Variants in GOSR2 observed in about 807,000 individuals in gnomAD.
The protein encoded by GOSR2 is golgi SNAP receptor complex member 2.
GOSR2 carries 20 observed loss-of-function variants against 27.9 expected under a neutral mutation model. The ratio of observed to expected loss-of-function variants is 0.72; its 90% CI spans 0.50 to 1.04. GOSR2 has a LOEUF of 1.04. Ranked by LOEUF, GOSR2 falls within the 50% of genes least tolerant of loss-of-function variation. The pLI, the probability that GOSR2 is intolerant of heterozygous loss-of-function variation, is 0.00. For synonymous variants in GOSR2, 91 were observed against 98.8 expected, an observed-to-expected ratio of 0.92 and a Z score of 0.47; for missense variants, 261 against 270.5, an observed-to-expected ratio of 0.97 and a Z score of 0.25.
chr17:46,936,362 A>T, intron 5 of GOSR2: 6 of 985,396 alleles, frequency 6.1e-6, no homozygotes, highest in Non-Finnish European at 7.2e-6. Flanking sequence ...TTCCCACTCA[A>T]GTCTGGCAGC....
intron 6 of GOSR2, chr17:46,966,521 G>A (rs565961353): frequency 8.7e-6 from 6 of 687,684 alleles, no homozygotes; most frequent in Admixed American, 6.2e-5. Flanking sequence ...TTAATTTTTT[G>A]TATTTTTTGC....
chr17:46,936,645 AT>A (rs1568180565), intron 5 of GOSR2: 1 of 985,134 alleles, frequency 1.0e-6, no homozygotes, highest in Non-Finnish European at 1.2e-6. Context: ...AAATGAATAC[AT>A]TTTTTGAAAT....
chr17:46,969,667 G>A (rs2091371060), downstream of GOSR2, among the ~76,000 whole-genome samples: 1 of 152,222 alleles, frequency 6.6e-6, no homozygotes, highest in Non-Finnish European at 1.5e-5. Context: ...GTGCTTGGTG[G>A]ATAAATGCCT....
At chr17:46,969,094 C>T (rs78034901), downstream of GOSR2, among the ~76,000 whole-genome samples, 2,056 of 152,330 alleles carry the variant, frequency 0.013, 42 homozygotes, top group African/African-American at 0.047. Context: ...TCACAGCCAC[C>T]GGCCTCCCAG....
Position 46,936,465 on chromosome 17 carries a change from T to G in GOSR2, c.477+1296T>G, listed in dbSNP as rs917809383. 5.1e-6 allele frequency: 5 copies of G among 985,374 alleles called. No individual in the cohort carries two copies. In the South Asian group the frequency reaches 2.4e-4, roughly 46 times the overall value. The allele number at this position is 985,374 out of a possible 1,614,324, so 61.0% of individuals were successfully genotyped here. On this transcript the variant is annotated intron_variant, in intron 5 of 5. Coordinates refer to ENST00000640051, the MANE Select transcript of GOSR2 (RefSeq NM_004287.5). ...GGGTTGAGACTTGAGGTTTCTAACTTTCCTCTGCACACCTGTGGCTACCTG... is the reference window on the plus strand; with the variant it reads ...GGGTTGAGACTTGAGGTTTCTAACTGTCCTCTGCACACCTGTGGCTACCTG...
At chr17:46,950,165 A>G (rs114356342) in intron 6 of GOSR2, among the ~76,000 whole-genome samples, 1,653 of 152,296 alleles carry the variant, frequency 0.011, 16 homozygotes, top group Admixed American at 0.017. Flanking sequence ...GTATTTTTCA[A>G]TGTCTCTGCA....
At chr17:46,934,459 T>C (rs1954859417) in intron 4 of GOSR2, among the ~76,000 whole-genome samples, 1 of 152,020 alleles carries the variant, frequency 6.6e-6, no homozygotes, top group Non-Finnish European at 1.5e-5. Context: ...GAGGCTAAGG[T>C]TGCAGTGAGC....
chr17:46,949,460 C>T (rs2090166440), intron 6 of GOSR2: 1 of 152,098 alleles, frequency 6.6e-6, no homozygotes, highest in African/African-American at 2.4e-5. Flanking sequence ...TGATCACAAG[C>T]CATATGGTCA....
intron 6 of GOSR2, among the ~76,000 whole-genome samples, chr17:46,947,165 C>T (rs549585740): frequency 3.3e-5 from 5 of 152,298 alleles, no homozygotes; most frequent in East Asian, 1.9e-4. Context: ...GAACCCTCAG[C>T]TGTCTCTGAA....
intron 6 of GOSR2, chr17:46,966,430 C>T: frequency 3.3e-6 from 2 of 597,552 alleles, no homozygotes. Context: ...GTGGCACAGC[C>T]TTGACCTGCT....
At chr17:46,945,279 A>G (rs1380119721), downstream of GOSR2, among the ~76,000 whole-genome samples, 1 of 152,064 alleles carries the variant, frequency 6.6e-6, no homozygotes, top group South Asian at 2.1e-4. Flanking sequence ...CAGCTGGGAA[A>G]CTTGCTGCTC....
chr17:46,965,697 G>A lies in GOSR2; in HGVS notation c.584-837G>A, dbSNP rs137983908. ...GAGTGCACTGGTGTGATCACGGCAC[G>A]CTGCAGCCTCGACCTCCTGGGCTCA... On this transcript the variant is annotated intron_variant, in intron 6 of 6. Transcript: ENST00000573224. Among the ~76,000 whole-genome samples, 49 of 152,070 alleles carry A rather than the reference G, an allele frequency of 3.2e-4. No homozygotes were observed. In the East Asian group the frequency reaches 7.9e-3, roughly 25 times the overall value.
At position 46,961,950 on chromosome 17, in the gene GOSR2, CA is replaced by C. The variant is rs1340241162; in HGVS notation, c.584-4581del. On this transcript the variant is annotated intron_variant, in intron 6 of 6. Coordinates refer to the GOSR2 transcript ENST00000573224. ...ATTCCAAATCATTTTATTTAATCAA[CA>C]AATACTTGTTCAAAAACTGTGCAAA... Among the ~76,000 whole-genome samples the C allele has an allele frequency of 2.6e-5, 4 of 152,242 alleles. No individual in the cohort carries two copies. The East Asian group carries it at 7.7e-4, about 29-fold the overall frequency.
At chr17:46,966,071 A>T (rs1180923858) in intron 6 of GOSR2, among the ~76,000 whole-genome samples, 1 of 152,136 alleles carries the variant, frequency 6.6e-6, no homozygotes, top group Non-Finnish European at 1.5e-5. Flanking sequence ...TACTTATAAT[A>T]TGTCTAACGA....
chr17:46,975,800 A>T (rs546522765), downstream of GOSR2, among the ~76,000 whole-genome samples: 2 of 152,326 alleles, frequency 1.3e-5, no homozygotes, highest in South Asian at 4.1e-4. Flanking sequence ...GAATCCTGCA[A>T]AGTGTCCCCA....
In GOSR2 at chr17:46,929,510, C is replaced by G; in HGVS notation, c.30-10C>G. ...CTGTCTCACTCATTTCCTCCCTCTT[C>G]CTTTGATAGGCAGGTCCACGAGATC... On this transcript the variant is annotated splice_polypyrimidine_tract_variant and intron_variant, in intron 1 of 5. Transcript: ENST00000640051. The G allele has an allele frequency of 6.8e-7, 1 of 1,481,190 alleles. No individual in the cohort carries two copies. Among genetic ancestry groups the G allele is most frequent in the Admixed American group, 1.7e-5 (1 of 59,880 alleles). 91.8% of individuals were successfully genotyped at this position (1,481,190 alleles called of 1,614,324 possible). A position where few individuals can be genotyped will look rare whatever the true frequency, so the allele number is the denominator to read the frequency against.
intron 6 of GOSR2, among the ~76,000 whole-genome samples, chr17:46,962,847 AT>A (rs1342613346): frequency 6.6e-6 from 1 of 152,242 alleles, no homozygotes; most frequent in Admixed American, 6.5e-5. Context: ...GGGAGTAGTT[AT>A]GCAGTTATAG....
At chr17:46,934,614 G>A (rs1250362674) in intron 4 of GOSR2, among the ~76,000 whole-genome samples, 1 of 152,148 alleles carries the variant, frequency 6.6e-6, no homozygotes, top group African/African-American at 2.4e-5. Flanking sequence ...AATAGCTAAA[G>A]GACACGAGCA....
At chr17:46,943,363 C>T (rs576430788), downstream of GOSR2, among the ~76,000 whole-genome samples, 1 of 152,336 alleles carries the variant, frequency 6.6e-6, no homozygotes, top group South Asian at 2.1e-4. Context: ...AGCCCCCAGC[C>T]CTCCCCACCA....
Sources: allele counts gnomAD v4.1 joint callset (sites outside exome capture counted in the v4.1 genomes callset), GRCh38; gene constraint gnomAD v4.1.1; transcripts MANE v1.5; gene names NCBI Gene and HGNC (gene_info 2026-07-23, HGNC 2026-07-21).